The following PPM1E variants were observed in gnomAD, a reference collection of about 807,000 sequenced individuals.
PPM1E encodes protein phosphatase, Mg2+/Mn2+ dependent 1E, also known as protein phosphatase 1E.
Under a neutral mutation model 65.9 loss-of-function variants are expected in PPM1E, and 20 were observed. The ratio of observed to expected loss-of-function variants is 0.30; its 90% CI spans 0.21 to 0.44. PPM1E has a LOEUF of 0.44. Among genes scored for constraint, PPM1E ranks in the 20% least tolerant of loss-of-function variants. The pLI is 1.00. For missense variants in PPM1E, 713 were observed against 953.1 expected, an observed-to-expected ratio of 0.75 and a Z score of 3.32; for synonymous variants, 352 against 374.9, an observed-to-expected ratio of 0.94 and a Z score of 0.70.
intron 1 of PPM1E, among the ~76,000 whole-genome samples, chr17:58,774,164 C>A (rs866148666): frequency 3.3e-5 from 5 of 150,952 alleles, no homozygotes; most frequent in South Asian, 2.1e-4. Flanking sequence ...CTCTGTCCCC[C>A]CCCCCCAAAA....
At chr17:58,891,763 A>G (rs971089355) in intron 1 of PPM1E, among the ~76,000 whole-genome samples, 2 of 148,208 alleles carry the variant, frequency 1.3e-5, no homozygotes, top group Admixed American at 6.7e-5. Flanking sequence ...AAGCTGCTCT[A>G]TTTGGAAAGG....
At chr17:58,970,319 G>A (rs1403648990) in intron 4 of PPM1E, among the ~76,000 whole-genome samples, 3 of 152,072 alleles carry the variant, frequency 2.0e-5, no homozygotes, top group African/African-American at 7.2e-5. Context: ...TGAATAAATG[G>A]CAAGGGCTCT....
intron 1 of PPM1E, among the ~76,000 whole-genome samples, chr17:58,923,258 C>A (rs2051776642): frequency 7.1e-6 from 1 of 140,386 alleles, no homozygotes; most frequent in Non-Finnish European, 1.5e-5. Flanking sequence ...ATACTCCTAT[C>A]TGGGTGACAG....
At chr17:58,895,178 A>G (rs2051397533) in intron 1 of PPM1E, among the ~76,000 whole-genome samples, 1 of 152,188 alleles carries the variant, frequency 6.6e-6, no homozygotes, top group African/African-American at 2.4e-5. Flanking sequence ...TAAGACAGCG[A>G]ACTTAATAAA....
intron 1 of PPM1E, among the ~76,000 whole-genome samples, chr17:58,921,091 G>A (rs758639146): frequency 3.3e-5 from 5 of 152,214 alleles, no homozygotes; most frequent in Admixed American, 2.0e-4. Context: ...CAACATGGAA[G>A]CCATTGTGAC....
chr17:58,895,541 TCATG>T (rs1309808836), intron 1 of PPM1E, among the ~76,000 whole-genome samples: 1 of 152,130 alleles, frequency 6.6e-6, no homozygotes, highest in Non-Finnish European at 1.5e-5. Flanking sequence ...GTGTGATGGC[TCATG>T]CCTGTAATTC....
At chr17:58,782,470 T>C (rs1164229731) in intron 1 of PPM1E, among the ~76,000 whole-genome samples, 4 of 151,680 alleles carry the variant, frequency 2.6e-5, no homozygotes, top group Non-Finnish European at 5.9e-5. Flanking sequence ...GGTGTGATCT[T>C]GGCTCACTGC....
chr17:58,787,577 A>G (rs892638006), intron 1 of PPM1E, among the ~76,000 whole-genome samples: 4 of 152,124 alleles, frequency 2.6e-5, no homozygotes, highest in African/African-American at 9.7e-5. Flanking sequence ...GAGAGTATAC[A>G]TAACCATACA....
chr17:58,943,674 G>A (rs1236689084), intron 1 of PPM1E, among the ~76,000 whole-genome samples: 1 of 152,098 alleles, frequency 6.6e-6, no homozygotes, highest in East Asian at 1.9e-4. Flanking sequence ...TAAATATGAA[G>A]ATTCACAGGC....
Position 58,792,743 on chromosome 17 carries a change from C to CTTTTTTTTTTTTT in PPM1E, c.464+36299_464+36311dup, listed in dbSNP as rs780992600. Reference sequence around the variant, plus strand: ...TATTTTATTTTATAAGAATTTTACTCTTTTTTTTTTTTTTTTTTTTTTTTT... The same window carrying CTTTTTTTTTTTTT: ...TATTTTATTTTATAAGAATTTTACTCTTTTTTTTTTTTTTTTTTTTTTTTTTTTTTTTTTTTTT... On this transcript the variant is annotated intron_variant, in intron 1 of 6. Coordinates refer to ENST00000308249, the MANE Select transcript of PPM1E (RefSeq NM_014906.5). Among the ~76,000 whole-genome samples the CTTTTTTTTTTTTT allele has an allele frequency of 5.5e-4, 42 of 76,380 alleles. 8 individuals carry two copies. Among genetic ancestry groups the CTTTTTTTTTTTTT allele is most frequent in the South Asian group, 1.2e-3 (2 of 1,702 alleles). The allele number at this position is 76,380 out of a possible 152,430, so 50.1% of individuals were successfully genotyped here. A position where few individuals can be genotyped will look rare whatever the true frequency, so the allele number is the denominator to read the frequency against.
chr17:58,940,738 C>G (rs2052053528), intron 1 of PPM1E, among the ~76,000 whole-genome samples: 1 of 152,044 alleles, frequency 6.6e-6, no homozygotes, highest in African/African-American at 2.4e-5. Flanking sequence ...GACAGCCTCA[C>G]TCCATTACCC....
At chr17:58,978,526 T>C (rs1249676503) in intron 6 of PPM1E, among the ~76,000 whole-genome samples, 1 of 151,820 alleles carries the variant, frequency 6.6e-6, no homozygotes, top group African/African-American at 2.4e-5. Context: ...GCCTGGCCAA[T>C]ATGGTGAAAC....
chr17:58,895,948 A>C (rs2051408450), intron 1 of PPM1E, among the ~76,000 whole-genome samples: 1 of 118,610 alleles, frequency 8.4e-6, no homozygotes, highest in African/African-American at 3.2e-5. Context: ...TGCTAAACAT[A>C]CAAAAAAAAA....
chr17:58,965,457 G>A (rs2143673828), intron 2 of PPM1E, among the ~76,000 whole-genome samples: 1 of 152,198 alleles, frequency 6.6e-6, no homozygotes, highest in East Asian at 1.9e-4. Flanking sequence ...CCTGGCCAAA[G>A]GTTTTCTCCT....
intron 1 of PPM1E, among the ~76,000 whole-genome samples, chr17:58,832,055 C>G (rs756474269): frequency 1.3e-5 from 2 of 152,136 alleles, no homozygotes; most frequent in Non-Finnish European, 2.9e-5. Context: ...CTCTGTAGGA[C>G]TATTGATCCT....
chr17:58,803,527 C>T (rs2050278226), intron 1 of PPM1E, among the ~76,000 whole-genome samples: 1 of 152,096 alleles, frequency 6.6e-6, no homozygotes, highest in African/African-American at 2.4e-5. Context: ...GGGATATTGG[C>T]ACTACTAACA....
intron 3 of PPM1E, chr17:58,966,141 G>C: frequency 3.9e-6 from 2 of 506,456 alleles, no homozygotes; most frequent in Non-Finnish European, 7.1e-6. Context: ...TGCCTCCCAG[G>C]TACTCAGTTC....
At chr17:58,816,794 ATTTT>A (rs71367634) in intron 1 of PPM1E, among the ~76,000 whole-genome samples, 262 of 16,506 alleles carry the variant, frequency 0.016, 2 homozygotes, top group South Asian at 0.021. Context: ...ATATATATAT[ATTTT>A]TTTTTTTTTT....
At chr17:58,924,330 T>C (rs1413341912) in intron 1 of PPM1E, among the ~76,000 whole-genome samples, 8 of 151,448 alleles carry the variant, frequency 5.3e-5, no homozygotes. Flanking sequence ...GAAGGAAAAA[T>C]TAGGTATACC....
Sources: allele counts gnomAD v4.1 joint callset (sites outside exome capture counted in the v4.1 genomes callset), GRCh38; gene constraint gnomAD v4.1.1; transcripts MANE v1.5; gene names NCBI Gene and HGNC (gene_info 2026-07-23, HGNC 2026-07-21).